The following RASGRF2 variants were observed in gnomAD, a reference collection of about 807,000 sequenced individuals.
RASGRF2 encodes ras-specific guanine nucleotide-releasing factor 2.
Under a neutral mutation model 151.0 loss-of-function variants are expected in RASGRF2, and 76 were observed. That is an observed-to-expected ratio of 0.50 (90% CI 0.42 to 0.61). The LOEUF is 0.61. Among genes scored for constraint, RASGRF2 ranks in the 20% least tolerant of loss-of-function variants. The pLI, the probability that RASGRF2 is intolerant of heterozygous loss-of-function variation, is 0.00. For missense variants in RASGRF2, 1,148 were observed against 1,564.6 expected, an observed-to-expected ratio of 0.73 and a Z score of 4.49; for synonymous variants, 504 against 566.5, an observed-to-expected ratio of 0.89 and a Z score of 1.57.
intron 17 of RASGRF2, among the ~76,000 whole-genome samples, chr5:81,130,420 A>C (rs1263227150): frequency 6.6e-6 from 1 of 152,094 alleles, no homozygotes; most frequent in Non-Finnish European, 1.5e-5. Flanking sequence ...TGGCGGTAAG[A>C]AAGGGGGTCT....
intron 17 of RASGRF2, among the ~76,000 whole-genome samples, chr5:81,129,829 C>G (rs536924009): frequency 1.3e-5 from 2 of 152,314 alleles, no homozygotes; most frequent in South Asian, 4.1e-4. Flanking sequence ...GAACATCTCA[C>G]AGATTTCCTA....
chr5:81,018,704 T>G (rs78933178), intron 1 of RASGRF2, among the ~76,000 whole-genome samples: 1,628 of 151,668 alleles, frequency 0.011, 23 homozygotes, highest in African/African-American at 0.029. Context: ...GAGGAGGAGG[T>G]AATGAATTAT....
intron 1 of RASGRF2, among the ~76,000 whole-genome samples, chr5:80,961,261 C>A (rs561061274): frequency 6.6e-6 from 1 of 152,202 alleles, no homozygotes; most frequent in African/African-American, 2.4e-5. Context: ...AATAGTGGCC[C>A]GACTTGCTTT....
At position 81,227,321 on chromosome 5, in the gene RASGRF2, G is replaced by A. The variant is rs2112762260; in HGVS notation, c.*1551G>A. On this transcript the variant is annotated 3_prime_UTR_variant, in exon 27 of 27. Transcript: ENST00000265080. Reference sequence around the variant, plus strand: ...AGAATGTACACTTTCTGCACGGTAAGTGCCATCTCTGTATGTAACTATATA... The same window carrying A: ...AGAATGTACACTTTCTGCACGGTAAATGCCATCTCTGTATGTAACTATATA... The A allele has an allele frequency of 6.6e-6, 1 of 152,326 alleles. No individual in the cohort carries two copies. The highest frequency in any genetic ancestry group is 3.4e-3 in the Middle Eastern group (1 of 294). The allele number at this position is 152,326 out of a possible 1,614,324, so 9.4% of individuals were successfully genotyped here.
chr5:80,989,305 C>A (rs917529702), intron 1 of RASGRF2, among the ~76,000 whole-genome samples: 2 of 151,988 alleles, frequency 1.3e-5, no homozygotes, highest in Admixed American at 6.6e-5. Context: ...AGAAAGAACT[C>A]CTTTACTTTG....
At chr5:81,154,820 A>G (rs372134974) in intron 17 of RASGRF2, among the ~76,000 whole-genome samples, 19 of 152,298 alleles carry the variant, frequency 1.2e-4, no homozygotes, top group African/African-American at 4.3e-4. Flanking sequence ...TTGCTGGACC[A>G]TATGGTAGTT....
chr5:81,070,611 G>T, intron 4 of RASGRF2, 30 bp downstream of exon 4: 1 of 1,537,158 alleles, frequency 6.5e-7, no homozygotes, highest in South Asian at 1.1e-5. Context: ...AGCTTTGTAG[G>T]AGCATGGTGA....
In RASGRF2 at chr5:81,226,363, T is replaced by A. The variant is rs918771526; in HGVS notation, c.*593T>A. 6.6e-6 allele frequency: 1 copy of A among 152,248 alleles called. No homozygotes were observed. The highest frequency in any genetic ancestry group is 1.5e-5 in the Non-Finnish European group (1 of 68,058). 9.4% of individuals were successfully genotyped at this position (152,248 alleles called of 1,614,324 possible). ...GTACCTTCTGAAACTGCCTTTCCAG[T>A]CTTTAGGCAATGGGATAGGAAAGAA... On this transcript the variant is annotated 3_prime_UTR_variant, in exon 27 of 27. Coordinates refer to ENST00000265080, the MANE Select transcript of RASGRF2 (RefSeq NM_006909.3).
intron 1 of RASGRF2, among the ~76,000 whole-genome samples, chr5:81,007,810 G>A (rs1242192567): frequency 6.6e-6 from 1 of 152,052 alleles, no homozygotes; most frequent in Admixed American, 6.5e-5. Flanking sequence ...CCATGGAGGA[G>A]TCACCTAGTA....
rs372270152 is a variant in RASGRF2 at position 81,164,297 on chromosome 5, T to C, written c.2687-15878T>C. On this transcript the variant is annotated intron_variant, in intron 17 of 26. Transcript: ENST00000265080. The stretch of plus-strand genomic sequence containing the variant: ...AAGACTGGGCATTTTCTCAGCAACC[T>C]GCACATTCACTCCATGGGTTTAGTA... Among the ~76,000 whole-genome samples the C allele has an allele frequency of 2.4e-3, 359 of 152,298 alleles. 2 individuals are homozygous for C. Among genetic ancestry groups the C allele is most frequent in the African/African-American group, 8.3e-3 (344 of 41,560 alleles).
chr5:81,039,476 A>G (rs1164109424), intron 1 of RASGRF2, among the ~76,000 whole-genome samples: 2 of 152,154 alleles, frequency 1.3e-5, no homozygotes, highest in East Asian at 3.8e-4. Context: ...GTCCACACCC[A>G]ATAATCTATA....
intron 4 of RASGRF2, 140 bp from the exon 5 acceptor site, chr5:81,073,059 C>A (rs1020422634): frequency 6.6e-5 from 70 of 1,063,290 alleles, no homozygotes; most frequent in Non-Finnish European, 9.0e-5. Context: ...TTTTTCACAT[C>A]ATCCCTAGGG....
intron 1 of RASGRF2, among the ~76,000 whole-genome samples, chr5:81,000,103 G>A (rs1749031630): frequency 2.6e-5 from 4 of 152,174 alleles, no homozygotes; most frequent in Admixed American, 2.0e-4. Context: ...TTCCAAGGTG[G>A]CTTCTTGGTT....
At chr5:81,140,804 T>C (rs1753867662) in intron 17 of RASGRF2, among the ~76,000 whole-genome samples, 1 of 152,186 alleles carries the variant, frequency 6.6e-6, no homozygotes, top group Non-Finnish European at 1.5e-5. Flanking sequence ...TGTAGTTGAT[T>C]ATGCCTCACA....
intron 1 of RASGRF2, among the ~76,000 whole-genome samples, chr5:80,991,677 AC>A (rs1158922363): frequency 6.6e-6 from 1 of 152,158 alleles, no homozygotes; most frequent in Non-Finnish European, 1.5e-5. Flanking sequence ...TTTTTAAAAA[AC>A]CTTCTGAACT....
intron 17 of RASGRF2, 110 bp downstream of exon 17, chr5:81,127,273 C>A: frequency 8.5e-7 from 1 of 1,181,090 alleles, no homozygotes; most frequent in South Asian, 1.5e-5. Context: ...ACTGGAATCC[C>A]AGCATTTTGG....
In RASGRF2 at chr5:81,228,972, G is replaced by A. The variant is rs1035220873; in HGVS notation, c.*3202G>A. The stretch of plus-strand genomic sequence containing the variant: ...ACCTGGAAGAGAAAAATCCATTATG[G>A]TCCCATGTGGAGTGAATAATGATGG... On this transcript the variant is annotated 3_prime_UTR_variant, in exon 27 of 27. Transcript: ENST00000265080. 6.6e-6 allele frequency: 1 copy of A among 152,082 alleles called. No individual in the cohort carries two copies. The highest frequency in any genetic ancestry group is 1.5e-5 in the Non-Finnish European group (1 of 68,020). 9.4% of individuals were successfully genotyped at this position (152,082 alleles called of 1,614,324 possible).
intron 2 of RASGRF2, among the ~76,000 whole-genome samples, chr5:81,058,775 C>CAAAAAAAAA (rs56875865): frequency 5.7e-5 from 4 of 70,114 alleles, no homozygotes; most frequent in African/African-American, 2.3e-4. Flanking sequence ...GGCCCTGTAT[C>CAAAAAAAAA]AAAAAAAAAA....
chr5:81,103,343 T>C (rs553524593), intron 12 of RASGRF2, among the ~76,000 whole-genome samples: 92 of 152,170 alleles, frequency 6.0e-4, no homozygotes, highest in African/African-American at 2.0e-3. Flanking sequence ...TAGATATAGC[T>C]ATAGCATATA....
Sources: allele counts gnomAD v4.1 joint callset (sites outside exome capture counted in the v4.1 genomes callset), GRCh38; gene constraint gnomAD v4.1.1; transcripts MANE v1.5; gene names NCBI Gene and HGNC (gene_info 2026-07-23, HGNC 2026-07-21).